MYO5C: variants seen among roughly 807,000 people sequenced by gnomAD.
MYO5C encodes the protein unconventional myosin-Vc.
Under a neutral mutation model 235.7 loss-of-function variants are expected in MYO5C, and 194 were observed. That is an observed-to-expected ratio of 0.82 (90% confidence interval 0.73 to 0.93). The LOEUF (loss-of-function observed/expected upper bound fraction) is 0.93, where lower values mean the gene tolerates loss of function less well. Among genes scored for constraint, MYO5C ranks in the 40% least tolerant of loss-of-function variants. The probability of loss-of-function intolerance (pLI) is 0.00; values close to 1 mark genes in which losing one functional copy is unlikely to be tolerated. For synonymous variants in MYO5C, 707 were observed against 754.8 expected, an observed-to-expected ratio of 0.94 and a Z score of 1.04; for missense variants, 2,038 against 2,127.2, an observed-to-expected ratio of 0.96 and a Z score of 0.82.
intron 34 of MYO5C, among the ~76,000 whole-genome samples, chr15:52,212,284 A>G (rs1438970217): frequency 6.6e-6 from 1 of 152,220 alleles, no homozygotes; most frequent in Non-Finnish European, 1.5e-5. Context: ...TAGGGAAAGC[A>G]GGCACACCCA....
At chr15:52,225,336 T>C in intron 26 of MYO5C, 103 bp downstream of exon 26, 2 of 1,143,198 alleles carry the variant, frequency 1.7e-6, no homozygotes, top group Non-Finnish European at 2.6e-6. Context: ...ATCTACCATA[T>C]GTCCAACCAA....
rs117589434 is a variant in MYO5C, at chr15:52,266,689, A to C, written c.941-2393T>G. Among the ~76,000 whole-genome samples the C allele has an allele frequency of 2.4e-3, 360 of 152,322 alleles. 7 individuals carry two copies. The highest frequency in any genetic ancestry group is 0.022 in the East Asian group (112 of 5,186). ...CCCGAGGTCACACTGGGTAAGGTAT[A>C]TCTAAGCAGTTTAACACCAGTGCCC... is the stretch of plus-strand genomic sequence containing the variant. On this transcript the variant is annotated intron_variant, in intron 8 of 40. Coordinates refer to ENST00000261839, the MANE Select transcript of MYO5C (RefSeq NM_018728.4).
intron 8 of MYO5C, among the ~76,000 whole-genome samples, chr15:52,268,532 C>G (rs2036857296): frequency 6.6e-6 from 1 of 150,868 alleles, no homozygotes; most frequent in African/African-American, 2.4e-5. Flanking sequence ...AGCCTGGCGA[C>G]AGTGTAAGAT....
At position 52,253,316 on chromosome 15, in the gene MYO5C, C is replaced by G; in HGVS notation, c.1536+1G>C. 1 of 1,602,678 alleles carries G rather than the reference C, an allele frequency of 6.2e-7. No individual in the cohort carries two copies. Among genetic ancestry groups the G allele is most frequent in the Non-Finnish European group, 8.5e-7 (1 of 1,176,158 alleles). On this transcript the variant is annotated splice_donor_variant, in intron 12 of 40. Coordinates refer to ENST00000261839, the MANE Select transcript of MYO5C (RefSeq NM_018728.4). LOFTEE classifies it high-confidence loss of function. The stretch of plus-strand genomic sequence containing the variant: ...AAAAAACAATTATTCTTAAAAGTTA[C>G]CAAACATTCTTCATCCAGTAACTCC...
At chr15:52,236,655 G>A (rs2036093367) in intron 22 of MYO5C, 1 of 151,904 alleles carries the variant, frequency 6.6e-6, no homozygotes, top group African/African-American at 2.4e-5. Flanking sequence ...CAGCCCGGAT[G>A]ACAGAGCAAG....
intron 31 of MYO5C, 62 bp downstream of exon 31, chr15:52,219,697 C>T: frequency 2.3e-6 from 3 of 1,323,582 alleles, no homozygotes; most frequent in Non-Finnish European, 2.2e-6. Flanking sequence ...TTGGTATATT[C>T]TACAGTTTCA....
chr15:52,278,596 CA>C (rs1233850849), intron 4 of MYO5C, among the ~76,000 whole-genome samples: 1 of 152,038 alleles, frequency 6.6e-6, no homozygotes, highest in African/African-American at 2.4e-5. Flanking sequence ...CTCCTCCAAC[CA>C]AACACACTGC....
intron 19 of MYO5C, 72 bp downstream of exon 19, chr15:52,244,284 A>G: frequency 6.8e-7 from 1 of 1,468,038 alleles, no homozygotes; most frequent in Non-Finnish European, 9.3e-7. Context: ...GTCCTTGATG[A>G]GTCCTCCCCG....
rs2034949875 is a variant in MYO5C at position 52,192,514 on chromosome 15, G to A, written c.*1388C>T. 1 of 152,184 alleles carries A rather than the reference G, an allele frequency of 6.6e-6. No homozygotes were observed. The highest frequency in any genetic ancestry group is 1.5e-5 in the Non-Finnish European group (1 of 68,038). The allele number at this position is 152,184 out of a possible 1,614,324, so 9.4% of individuals were successfully genotyped here. A position where few individuals can be genotyped will look rare whatever the true frequency, so the allele number is the denominator to read the frequency against. ...CACCAGTCTGTATTATAGAATCACA[G>A]CTGTCACCTGTGACTGTCAGAAACA... On this transcript the variant is annotated 3_prime_UTR_variant, in exon 41 of 41. Coordinates refer to ENST00000261839, the MANE Select transcript of MYO5C (RefSeq NM_018728.4).
intron 11 of MYO5C, among the ~76,000 whole-genome samples, chr15:52,254,225 C>T (rs747947669): frequency 4.6e-5 from 7 of 152,164 alleles, no homozygotes; most frequent in African/African-American, 7.2e-5. Context: ...AGTGAGGACC[C>T]GCTGGAGGGC....
At chr15:52,275,131 A>T (rs371655379) in intron 5 of MYO5C, among the ~76,000 whole-genome samples, 2 of 152,238 alleles carry the variant, frequency 1.3e-5, no homozygotes, top group Admixed American at 1.3e-4. Context: ...GCCTCTGCCA[A>T]GGCAGAAGGT....
intron 10 of MYO5C, among the ~76,000 whole-genome samples, chr15:52,259,733 C>T (rs2036652594): frequency 6.6e-6 from 1 of 152,374 alleles, no homozygotes; most frequent in East Asian, 1.9e-4. Flanking sequence ...TATGTATTAA[C>T]TTAGGATCTA....
intron 28 of MYO5C, 82 bp downstream of exon 28, chr15:52,224,819 A>G (rs548369799): frequency 5.5e-6 from 6 of 1,100,178 alleles, no homozygotes; most frequent in African/African-American, 1.6e-5. Context: ...GTATCAATCT[A>G]TGTAAGGTAA....
Position 52,208,718 on chromosome 15 carries a change from T to G in MYO5C, c.4297-75A>C, listed in dbSNP as rs182763978. The G allele has an allele frequency of 1.8e-5, 24 of 1,325,676 alleles. No homozygotes were observed. The East Asian group carries it at 5.1e-4, about 28-fold the overall frequency. 82.1% of individuals were successfully genotyped at this position (1,325,676 alleles called of 1,614,324 possible). A position where few individuals can be genotyped will look rare whatever the true frequency, so the allele number is the denominator to read the frequency against. ...TCTGAGCATTTACCTGTTTGGTTATTTGTAGCTTTTGACCAAAATTAGTTT... is the reference window on the plus strand; with the variant it reads ...TCTGAGCATTTACCTGTTTGGTTATGTGTAGCTTTTGACCAAAATTAGTTT... On this transcript the variant is annotated intron_variant, in intron 35 of 40. Transcript: ENST00000261839.
intron 23 of MYO5C, among the ~76,000 whole-genome samples, chr15:52,232,915 C>T (rs2035998164): frequency 6.6e-6 from 1 of 152,080 alleles, no homozygotes; most frequent in Non-Finnish European, 1.5e-5. Flanking sequence ...TAAATAGTTT[C>T]ATTTATAGTA....
chr15:52,205,061 C>G lies in MYO5C; in HGVS notation c.4624G>C (p.Asp1542His). ...GFRKRSSSIDDTDGYTMTSVL... is the reference protein window; with the variant it reads ...GFRKRSSSIDHTDGYTMTSVL... ...GAGGTCATGGTGTAGCCGTCCGTGT[C>G]GTCTATGCTAGAGGAGCGCTTCCGG... Residue 1542 changes from aspartate to histidine, a missense_variant, in exon 38 of 41, where the codon GAC becomes CAC. Physicochemically the swap from Asp to His is moderately conservative, Grantham distance 81 (BLOSUM62 -1). Coordinates refer to ENST00000261839, the MANE Select transcript of MYO5C (RefSeq NM_018728.4). 2 of 1,614,162 alleles carry G rather than the reference C, an allele frequency of 1.2e-6. No individual in the cohort carries two copies. Among genetic ancestry groups the G allele is most frequent in the African/African-American group, 1.3e-5 (1 of 75,070 alleles).
chr15:52,219,850 T>C, intron 30 of MYO5C, 28 bp from the exon 31 acceptor site: 9 of 1,556,714 alleles, frequency 5.8e-6, no homozygotes, highest in Non-Finnish European at 8.0e-6. Flanking sequence ...GTCAGTACTT[T>C]GGGGGGGCAC....
At chr15:52,209,256 T>C (rs902154613) in intron 35 of MYO5C, among the ~76,000 whole-genome samples, 3 of 152,114 alleles carry the variant, frequency 2.0e-5, no homozygotes, top group Non-Finnish European at 4.4e-5. Context: ...TTCAAGGAGA[T>C]GGTGCTAATG....
rs1219384542 is a variant in MYO5C, at chr15:52,233,007, C to T, written c.2963-322G>A. ...ATTAAAAATAAATAGAGGCCGGGCG[C>T]GGTGGCTCACGCCTGTAATCCCAGC... On this transcript the variant is annotated intron_variant, in intron 23 of 40. Coordinates refer to ENST00000261839, the MANE Select transcript of MYO5C (RefSeq NM_018728.4). Among the ~76,000 whole-genome samples the T allele has an allele frequency of 1.5e-4, 2 of 13,680 alleles. 1 individual carries two copies. Among genetic ancestry groups the T allele is most frequent in the Non-Finnish European group, 7.2e-3 (2 of 276 alleles). The allele number at this position is 13,680 out of a possible 152,430, so 9.0% of individuals were successfully genotyped here.
Sources: allele counts gnomAD v4.1 joint callset (sites outside exome capture counted in the v4.1 genomes callset), GRCh38; gene constraint gnomAD v4.1.1; transcripts MANE v1.5; gene names NCBI Gene and HGNC (gene_info 2026-07-23, HGNC 2026-07-21).